PTPN3: variants seen among roughly 807,000 people sequenced by gnomAD.
PTPN3 encodes the protein tyrosine-protein phosphatase non-receptor type 3.
In PTPN3, 96 loss-of-function variants were observed where a neutral mutation model predicts 132.7. That is an observed-to-expected ratio of 0.72 (90% confidence interval 0.61 to 0.86). The LOEUF (loss-of-function observed/expected upper bound fraction) is 0.86, where lower values mean the gene tolerates loss of function less well. Ranked by LOEUF, PTPN3 falls within the 40% of genes least tolerant of loss-of-function variation. PTPN3 has a pLI of 0.00. For synonymous variants in PTPN3, 398 were observed against 429.0 expected (o/e 0.93, Z 0.89); for missense variants, 1,125 against 1,159.6 (o/e 0.97, Z 0.43).
At chr9:109,471,449 C>T (rs2132073408) in intron 1 of PTPN3, among the ~76,000 whole-genome samples, 1 of 152,262 alleles carries the variant, frequency 6.6e-6, no homozygotes, top group African/African-American at 2.4e-5. Flanking sequence ...AGATCATGCC[C>T]CTTTATCTCG....
In PTPN3 at chr9:109,449,528, G is replaced by A. The variant is rs953024802; in HGVS notation, c.369-673C>T. 11 of 985,428 alleles carry A rather than the reference G, an allele frequency of 1.1e-5. No individual in the cohort carries two copies. The Admixed American group carries it at 5.5e-4, about 50-fold the overall frequency. The allele number at this position is 985,428 out of a possible 1,614,324, so 61.0% of individuals were successfully genotyped here. On this transcript the variant is annotated intron_variant, in intron 5 of 25. Transcript: ENST00000374541. ...CCTGTTTTGTGGGCAAGTCGTGGCA[G>A]GCCCCTCAGCCTGTGACTTTGCTCC...
intron 10 of PTPN3, among the ~76,000 whole-genome samples, chr9:109,431,655 GT>G (rs1193731455): frequency 1.3e-5 from 2 of 152,294 alleles, no homozygotes; most frequent in Non-Finnish European, 2.9e-5. Flanking sequence ...ACATTTTTTG[GT>G]TTTGGAAAAT....
chr9:109,465,579 T>C (rs1414345848), intron 1 of PTPN3, among the ~76,000 whole-genome samples: 1 of 151,956 alleles, frequency 6.6e-6, no homozygotes, highest in Non-Finnish European at 1.5e-5. Context: ...CACGGTGGCA[T>C]GCGCCAGTAA....
rs745417930 is a variant in PTPN3 at position 109,445,295 on chromosome 9, G to T, written c.414-3C>A. On this transcript the variant is annotated splice_region_variant and splice_polypyrimidine_tract_variant and intron_variant, in intron 6 of 25. Transcript: ENST00000374541. ...CTGAGTTAAGAGGGCAGGTTAACCT[G>T]TCAGGAGAAAAACATATTAGCAAAG... 132 of 1,612,514 alleles carry T rather than the reference G, an allele frequency of 8.2e-5. No individual in the cohort carries two copies. Among genetic ancestry groups the T allele is most frequent in the Non-Finnish European group, 1.0e-4 (120 of 1,178,612 alleles).
chr9:109,420,538 G>T lies in PTPN3; in HGVS notation c.1199C>A (p.Ala400Glu), dbSNP rs573117768. ...KPRHSSADNL[A>E]NEMTYITETE... ...TTCCGTGATGTAGGTCATTTCATTT[G>T]CAAGGTTATCTGCAGAAGAGTGGCG... The change falls in exon 14 of 26, where the codon GCA becomes GAA. Residue 400 changes from alanine (A) to glutamate (E), a missense_variant. By Grantham distance (107) the Ala-to-Glu change is moderately radical (BLOSUM62 -1). Transcript: ENST00000374541. 111 of 1,613,290 alleles carry T rather than the reference G, an allele frequency of 6.9e-5. 4 individuals carry two copies. The South Asian group carries it at 1.1e-3, about 16-fold the overall frequency.
chr9:109,489,450 C>T (rs997424219), intron 1 of PTPN3, among the ~76,000 whole-genome samples: 1 of 152,216 alleles, frequency 6.6e-6, no homozygotes, highest in African/African-American at 2.4e-5. Flanking sequence ...CTGGCTCACC[C>T]TGCACTGATC....
At chr9:109,408,404 A>C in intron 16 of PTPN3, 27 bp from the exon 17 acceptor site, 1 of 1,548,734 alleles carries the variant, frequency 6.5e-7, no homozygotes, top group Non-Finnish European at 8.7e-7. Context: ...ATAAAAACAA[A>C]ACAAAGTTTT....
intron 23 of PTPN3, 57 bp from the exon 24 acceptor site, chr9:109,382,504 A>G (rs1248354735): frequency 6.3e-7 from 1 of 1,594,074 alleles, no homozygotes. Flanking sequence ...ATGAGGACCC[A>G]GCCCCAACCC....
At chr9:109,496,441 T>C (rs1305303290) in intron 1 of PTPN3, among the ~76,000 whole-genome samples, 1 of 152,200 alleles carries the variant, frequency 6.6e-6, no homozygotes, top group Non-Finnish European at 1.5e-5. Context: ...AGACCTGCCC[T>C]TGGAACCAGG....
At position 109,378,091 on chromosome 9, in the gene PTPN3, C is replaced by T. The variant is rs1353273946; in HGVS notation, c.*1465G>A. 2 of 152,208 alleles carry T rather than the reference C, an allele frequency of 1.3e-5. No homozygotes were observed. Among genetic ancestry groups the T allele is most frequent in the African/African-American group, 4.8e-5 (2 of 41,454 alleles). 9.4% of individuals were successfully genotyped at this position (152,208 alleles called of 1,614,324 possible). On this transcript the variant is annotated 3_prime_UTR_variant, in exon 26 of 26. Transcript: ENST00000374541. ...TCCGTCTTGCTACCAGCAAACTATT[C>T]AATTGGCACCGAATTTGCTGAATAT...
chr9:109,486,865 A>C (rs953180843), intron 1 of PTPN3, among the ~76,000 whole-genome samples: 3 of 152,032 alleles, frequency 2.0e-5, no homozygotes, highest in Admixed American at 6.6e-5. Flanking sequence ...TGGTTTTATA[A>C]GGGGCTTTTC....
At chr9:109,475,110 G>A (rs1806517466) in intron 1 of PTPN3, among the ~76,000 whole-genome samples, 1 of 152,130 alleles carries the variant, frequency 6.6e-6, no homozygotes, top group South Asian at 2.1e-4. Context: ...GGAAGGAAGT[G>A]CCCTGTAAGA....
chr9:109,531,493 T>G, the PTPN3 span, among the ~76,000 whole-genome samples: 2 of 152,230 alleles, frequency 1.3e-5, no homozygotes, highest in South Asian at 4.1e-4. Context: ...AATCTTGGTT[T>G]ACACCCACTC....
At chr9:109,507,228 C>T in the PTPN3 span, among the ~76,000 whole-genome samples, 1 of 152,184 alleles carries the variant, frequency 6.6e-6, no homozygotes, top group East Asian at 1.9e-4. Flanking sequence ...GTTTTGGTGA[C>T]CCAGGGATCA....
intron 5 of PTPN3, among the ~76,000 whole-genome samples, chr9:109,451,606 A>G (rs1188741469): frequency 6.6e-6 from 1 of 152,202 alleles, no homozygotes; most frequent in Non-Finnish European, 1.5e-5. Flanking sequence ...GCTTCTCTCC[A>G]TCATGAATGC....
chr9:109,426,890 A>G, intron 12 of PTPN3, 60 bp downstream of exon 12: 1 of 1,505,608 alleles, frequency 6.6e-7, no homozygotes. Context: ...CTATTCACTG[A>G]TGACCAGGAT....
Position 109,457,170 on chromosome 9 carries a change from A to C in PTPN3, c.289+3T>G, listed in dbSNP as rs1845608424. ...TCGACTGAAATGAAAAGATCACACCAACCTTTTAACTGCTTCCTGATGGCT... is the reference window on the plus strand; with the variant it reads ...TCGACTGAAATGAAAAGATCACACCCACCTTTTAACTGCTTCCTGATGGCT... On this transcript the variant is annotated splice_donor_region_variant and intron_variant, in intron 4 of 25. Coordinates refer to ENST00000374541, the MANE Select transcript of PTPN3 (RefSeq NM_002829.4). The C allele has an allele frequency of 1.2e-6, 2 of 1,613,448 alleles. No individual in the cohort carries two copies. Among genetic ancestry groups the C allele is most frequent in the Non-Finnish European group, 1.7e-6 (2 of 1,179,376 alleles).
intron 14 of PTPN3, among the ~76,000 whole-genome samples, chr9:109,415,085 T>C (rs964420534): frequency 1.4e-5 from 2 of 144,412 alleles, no homozygotes; most frequent in South Asian, 4.4e-4. Context: ...CAACCATCCA[T>C]CCATCCATCC....
rs148955699 is a variant in PTPN3, at chr9:109,404,663, G to A, written c.1793-55C>T. 1,530 of 1,363,866 alleles carry A rather than the reference G, an allele frequency of 1.1e-3. 1 individual carries two copies. Among genetic ancestry groups the A allele is most frequent in the Non-Finnish European group, 1.3e-3 (1,384 of 1,042,560 alleles). The allele number at this position is 1,363,866 out of a possible 1,614,324, so 84.5% of individuals were successfully genotyped here. ...TGTGTAGCAATACTCAGGTTTATCC[G>A]TCTCCCTCAAACAAATCACACCTAT... On this transcript the variant is annotated intron_variant, in intron 18 of 25. Transcript: ENST00000374541.
Sources: gnomAD v4.1 joint callset for allele counts (sites outside exome capture counted in the v4.1 genomes callset) on GRCh38, gnomAD v4.1.1 for gene constraint, MANE v1.5 for transcripts, NCBI Gene and HGNC (gene_info 2026-07-23, HGNC 2026-07-21) for gene names.